Variants in HDAC4 observed in about 807,000 individuals in gnomAD.
HDAC4 encodes the protein histone deacetylase 4.
Under a neutral mutation model 135.1 loss-of-function variants are expected in HDAC4, and 16 were observed. The ratio of observed to expected loss-of-function variants is 0.12; its 90% CI spans 0.08 to 0.18. The LOEUF (loss-of-function observed/expected upper bound fraction) is 0.18. Among genes scored for constraint, HDAC4 ranks in the 10% least tolerant of loss-of-function variants. The probability of loss-of-function intolerance (pLI) is 1.00; values close to 1 mark genes in which losing one functional copy is unlikely to be tolerated. For synonymous variants in HDAC4, 685 were observed against 653.4 expected (o/e 1.05, Z -0.74); for missense variants, 1,143 against 1,511.8 (o/e 0.76, Z 4.05).
In HDAC4 at chr2:239,163,428, G is replaced by A. The variant is rs190651427; in HGVS notation, c.611+375C>T. 1.9e-3 allele frequency among the ~76,000 whole-genome samples: 285 copies of A among 152,256 alleles called. 1 individual carries two copies. The highest frequency in any genetic ancestry group is 7.1e-3 in the Admixed American group (108 of 15,302). On this transcript the variant is annotated intron_variant, in intron 6 of 26. Coordinates refer to ENST00000543185, the MANE Select transcript of HDAC4 (RefSeq NM_001378414.1). ...GCCCACTCCCATGAGGACGGCCACCGTGTGAGTGGACCCCCAGACCACGTC... is the reference window on the plus strand; with the variant it reads ...GCCCACTCCCATGAGGACGGCCACCATGTGAGTGGACCCCCAGACCACGTC...
intron 2 of HDAC4, among the ~76,000 whole-genome samples, chr2:239,283,297 G>A (rs137884915): frequency 1.4e-4 from 22 of 152,348 alleles, no homozygotes; most frequent in Non-Finnish European, 2.5e-4. Flanking sequence ...TCTGCATGAC[G>A]CTGGGTCTCT....
At chr2:239,082,859 C>T (rs1160088678) in intron 20 of HDAC4, among the ~76,000 whole-genome samples, 2 of 152,256 alleles carry the variant, frequency 1.3e-5, no homozygotes, top group African/African-American at 4.8e-5. Flanking sequence ...CGTGGCTGTT[C>T]TGCCCCGGGC....
At position 239,246,362 on chromosome 2, in the gene HDAC4, GC is replaced by G. The variant is rs147687738; in HGVS notation, c.23-9699del. 2.6e-3 allele frequency among the ~76,000 whole-genome samples: 398 copies of G among 152,352 alleles called. 3 individuals carry two copies. The highest frequency in any genetic ancestry group is 7.8e-3 in the Admixed American group (119 of 15,308). On this transcript the variant is annotated intron_variant, in intron 2 of 26. Coordinates refer to ENST00000543185, the MANE Select transcript of HDAC4 (RefSeq NM_001378414.1). ...ATCCATGCACCCAGGAGGCGTGGCA[GC>G]CGGAGAAGCACCGGGGTTGCTGCAG...
At chr2:239,380,054 C>A (rs749508719) in intron 1 of HDAC4, among the ~76,000 whole-genome samples, 1 of 152,032 alleles carries the variant, frequency 6.6e-6, no homozygotes, top group Non-Finnish European at 1.5e-5. Context: ...AGGGCGTGCA[C>A]GAAAAAGGGG....
At chr2:239,373,049 G>C (rs1694745873) in intron 1 of HDAC4, among the ~76,000 whole-genome samples, 1 of 152,188 alleles carries the variant, frequency 6.6e-6, no homozygotes, top group Admixed American at 6.5e-5. Flanking sequence ...AACACTGCAA[G>C]AGACTGCCGG....
At chr2:239,323,094 A>G (rs1334447670) in intron 2 of HDAC4, among the ~76,000 whole-genome samples, 1 of 152,234 alleles carries the variant, frequency 6.6e-6, no homozygotes, top group African/African-American at 2.4e-5. Context: ...CCCCAAACAT[A>G]AAGACACATG....
At chr2:239,273,508 T>C (rs77413120) in intron 2 of HDAC4, among the ~76,000 whole-genome samples, 5,501 of 152,120 alleles carry the variant, frequency 0.036, 123 homozygotes, top group East Asian at 0.08. Context: ...CAGGAGTGAG[T>C]GTCTTGGATT....
In HDAC4 at chr2:239,285,404, G is replaced by A. The variant is rs769719904; in HGVS notation, c.23-48740C>T. ...CCTGCACTTCCTGGGTAAGGAAGGA[G>A]AAGCCTTACAGCAAGGGGTTCCACC... On this transcript the variant is annotated intron_variant, in intron 2 of 26. Transcript: ENST00000543185. This position sits in a 1 kb window ranked among gnomAD's most constrained non-coding sequence, Gnocchi z 4.5. Among the ~76,000 whole-genome samples the A allele has an allele frequency of 1.3e-5, 2 of 152,232 alleles. No individual in the cohort carries two copies. The highest frequency in any genetic ancestry group is 1.3e-4 in the Admixed American group (2 of 15,294).
At chr2:239,113,915 TAG>T (rs1243173214) in intron 13 of HDAC4, among the ~76,000 whole-genome samples, 8 of 149,824 alleles carry the variant, frequency 5.3e-5, no homozygotes, top group Non-Finnish European at 1.0e-4. Flanking sequence ...GCCCAGAAAT[TAG>T]AGACAGGCCC....
At chr2:239,160,205 G>C (rs150811081) in intron 6 of HDAC4, among the ~76,000 whole-genome samples, 1 of 152,156 alleles carries the variant, frequency 6.6e-6, no homozygotes, top group Non-Finnish European at 1.5e-5. Context: ...TTTAGTATTC[G>C]ATTAAACCAT....
rs183454090 is a variant in HDAC4 at position 239,261,947 on chromosome 2, G to A, written c.23-25283C>T. 4.7e-3 allele frequency among the ~76,000 whole-genome samples: 709 copies of A among 152,306 alleles called. 5 individuals are homozygous for A. The highest frequency in any genetic ancestry group is 0.016 in the African/African-American group (675 of 41,560). Reference sequence around the variant, plus strand: ...TCGGAGGGTCCTCGGGTTGCCTGGCGCCATGAAAGCACTGCCTTCGTGAGC... The same window carrying A: ...TCGGAGGGTCCTCGGGTTGCCTGGCACCATGAAAGCACTGCCTTCGTGAGC... On this transcript the variant is annotated intron_variant, in intron 2 of 26. Coordinates refer to ENST00000543185, the MANE Select transcript of HDAC4 (RefSeq NM_001378414.1).
At chr2:239,347,297 G>C (rs1197839166) in intron 2 of HDAC4, among the ~76,000 whole-genome samples, 1 of 152,216 alleles carries the variant, frequency 6.6e-6, no homozygotes, top group African/African-American at 2.4e-5. Flanking sequence ...AGCAATCCCA[G>C]AGGAGAGCCT....
intron 1 of HDAC4, among the ~76,000 whole-genome samples, chr2:239,399,123 G>A (rs1696765068): frequency 6.6e-6 from 1 of 152,170 alleles, no homozygotes; most frequent in African/African-American, 2.4e-5. Context: ...GAATATCTGG[G>A]AAAGCCCGAT....
At chr2:239,264,297 G>A (rs775648080) in intron 2 of HDAC4, among the ~76,000 whole-genome samples, 6 of 152,228 alleles carry the variant, frequency 3.9e-5, no homozygotes, top group East Asian at 1.9e-4. Flanking sequence ...ATTCAGCTTC[G>A]GTTTGCAAAT....
At chr2:239,087,752 G>C in intron 18 of HDAC4, 138 bp from the exon 19 acceptor site, 1 of 806,548 alleles carries the variant, frequency 1.2e-6, no homozygotes, top group Non-Finnish European at 2.1e-6. Context: ...TGGCCACAGT[G>C]ATGGGGACAG....
rs777318124 is a variant in HDAC4 at position 239,331,271 on chromosome 2, C to T, written c.22+21407G>A. Among the ~76,000 whole-genome samples the T allele has an allele frequency of 6.6e-6, 1 of 151,286 alleles. No homozygotes were observed. On this transcript the variant is annotated intron_variant, in intron 2 of 26. Transcript: ENST00000543185. The surrounding 1 kb of genome is among the most constrained non-coding windows in gnomAD (Gnocchi z 4.5). ...TCTTCCTTCATATTCGAGGGGAAAA[C>T]GGTAAAAGCCACGAGAAGGAGGCAG...
At chr2:239,061,762 A>C (rs2032775695) in intron 24 of HDAC4, among the ~76,000 whole-genome samples, 1 of 152,210 alleles carries the variant, frequency 6.6e-6, no homozygotes, top group African/African-American at 2.4e-5. Flanking sequence ...TCAGGACATA[A>C]CTAATAAGCT....
intron 2 of HDAC4, among the ~76,000 whole-genome samples, chr2:239,312,933 C>T (rs979539307): frequency 3.3e-5 from 5 of 152,344 alleles, no homozygotes; most frequent in Non-Finnish European, 5.9e-5. Flanking sequence ...ACTGTGGGGG[C>T]GGCCGGCCAG....
At chr2:239,371,266 C>G (rs931035585) in intron 1 of HDAC4, among the ~76,000 whole-genome samples, 10 of 152,214 alleles carry the variant, frequency 6.6e-5, no homozygotes, top group African/African-American at 2.4e-4. Flanking sequence ...CAAACTCACA[C>G]ACTCAATCAC....
Sources: allele counts gnomAD v4.1 joint callset (sites outside exome capture counted in the v4.1 genomes callset), GRCh38; gene constraint gnomAD v4.1.1; non-coding constraint Gnocchi (gnomAD v3.1); transcripts MANE v1.5; gene names NCBI Gene and HGNC (gene_info 2026-07-23, HGNC 2026-07-21).